The following CTR9 variants were observed in gnomAD, a reference collection of about 807,000 sequenced individuals.
CTR9 encodes the protein CTR9 component of Paf1/RNA polymerase II complex.
A neutral mutation model predicts 152.1 loss-of-function variants in CTR9; 41 were observed. That is an observed-to-expected ratio of 0.27 (90% CI 0.21 to 0.35). The LOEUF is 0.35. Among genes scored for constraint, CTR9 ranks in the 10% least tolerant of loss-of-function variants. CTR9 has a pLI of 1.00. For missense variants in CTR9, 917 were observed against 1,424.4 expected (o/e 0.64, Z 5.73); for synonymous variants, 476 against 496.2 (o/e 0.96, Z 0.54).
Position 10,775,282 on chromosome 11 carries a change from A to C in CTR9, c.2961A>C (p.Pro987=), listed in dbSNP as rs1471715003. The part of the protein sequence containing the change: ...NGPKPKKRRP[P]KAEKKKAPKP... ...CCAAACCAAAAAAACGACGTCCACC[A>C]AAAGCAGAGAAGAAAAAGGCTGTAA... The change falls in exon 23 of 25, where the codon CCA becomes CCC. Residue 987 remains proline, a synonymous_variant. Transcript: ENST00000361367. 6.2e-7 allele frequency: 1 copy of C among 1,614,054 alleles called. No individual in the cohort carries two copies.
intron 20 of CTR9, 122 bp downstream of exon 20, chr11:10,772,777 T>C: frequency 9.5e-7 from 1 of 1,048,152 alleles, no homozygotes; most frequent in African/African-American, 1.7e-5. Context: ...TCCAACACTT[T>C]GGGAGGATGA....
At chr11:10,756,429 C>T (rs370238655) in intron 4 of CTR9, among the ~76,000 whole-genome samples, 5 of 152,098 alleles carry the variant, frequency 3.3e-5, no homozygotes, top group African/African-American at 4.8e-5. Flanking sequence ...CAAAAGGCCC[C>T]AGTATGTGAT....
rs1389011556 is a variant in CTR9, at chr11:10,752,551, G to A, written c.46-121G>A. The A allele has an allele frequency of 3.4e-5, 23 of 684,628 alleles. 1 individual carries two copies. The East Asian group carries it at 5.5e-4, about 16-fold the overall frequency. 42.4% of individuals were successfully genotyped at this position (684,628 alleles called of 1,614,324 possible). On this transcript the variant is annotated intron_variant, in intron 1 of 24. Coordinates refer to ENST00000361367, the MANE Select transcript of CTR9 (RefSeq NM_014633.5). The stretch of plus-strand genomic sequence containing the variant: ...AACATTAACATGGATTAGCTCAACC[G>A]TATTGAAAGTGAACACGTACTCTAT...
intron 1 of CTR9, among the ~76,000 whole-genome samples, chr11:10,751,935 C>G (rs544139725): frequency 2.0e-5 from 3 of 152,172 alleles, no homozygotes; most frequent in East Asian, 3.9e-4. Flanking sequence ...TCTACACCAA[C>G]TCTCCTTCAA....
intron 2 of CTR9, among the ~76,000 whole-genome samples, chr11:10,754,639 G>A (rs904434269): frequency 8.6e-5 from 13 of 151,778 alleles, no homozygotes; most frequent in Admixed American, 2.0e-4. Flanking sequence ...ACTAGAGATT[G>A]TTTTACATTT....
At chr11:10,763,579 A>G (rs776194317) in intron 8 of CTR9, 41 bp downstream of exon 8, 1 of 1,569,168 alleles carries the variant, frequency 6.4e-7, no homozygotes, top group South Asian at 1.2e-5. Flanking sequence ...CTTTTTACTT[A>G]TAGTGTTTTA....
At position 10,778,828 on chromosome 11, in the gene CTR9, A is replaced by G; in HGVS notation, c.3245A>G (p.Asp1082Gly). 6.2e-7 allele frequency: 1 copy of G among 1,614,242 alleles called. No individual in the cohort carries two copies. ...CGGAGGCCACGAAGACAGCGGTCAGATCAGGACTCAGACAGTGACCAGCCA... is the reference window on the plus strand; with the variant it reads ...CGGAGGCCACGAAGACAGCGGTCAGGTCAGGACTCAGACAGTGACCAGCCA... Reference protein sequence around the residue: ...SPRRPRRQRSDQDSDSDQPSR... With the variant: ...SPRRPRRQRSGQDSDSDQPSR... Residue 1082 changes from aspartate (D) to glycine (G), a missense_variant, in exon 25 of 25, where the codon GAT becomes GGT. Around this residue, in one of 9 missense-constraint regions of CTR9, gnomAD observed 384 missense variants for 398.4 expected, o/e 0.96. Coordinates refer to ENST00000361367, the MANE Select transcript of CTR9 (RefSeq NM_014633.5).
intron 7 of CTR9, 110 bp from the exon 8 acceptor site, chr11:10,763,321 A>G: frequency 1.4e-6 from 1 of 739,076 alleles, no homozygotes; most frequent in Non-Finnish European, 2.3e-6. Context: ...ACTATTTATG[A>G]AGAAGATGGA....
In CTR9 at chr11:10,772,534, T is replaced by G; in HGVS notation, c.2459T>G (p.Leu820Ter). ...AAATGTTCTAGGCAGTGTTCTGACTTACTGAGCCAGGCCCAGTACCATGTG... is the reference window on the plus strand; with the variant it reads ...AAATGTTCTAGGCAGTGTTCTGACTGACTGAGCCAGGCCCAGTACCATGTG... ...AATEARQCSDLLSQAQYHVAR... is the reference protein window; with the variant it reads ...AATEARQCSD Residue 820 changes from leucine to a stop codon, truncating the protein, a stop_gained, in exon 20 of 25, where the codon TTA (leucine) becomes TGA (stop). Transcript: ENST00000361367. LOFTEE classifies it high-confidence loss of function. The G allele has an allele frequency of 6.4e-7, 1 of 1,561,530 alleles. No homozygotes were observed. Among genetic ancestry groups the G allele is most frequent in the Non-Finnish European group, 8.7e-7 (1 of 1,155,762 alleles).
intron 19 of CTR9, among the ~76,000 whole-genome samples, 171 bp from the exon 20 acceptor site, chr11:10,772,349 T>G (rs1863156317): frequency 6.6e-6 from 1 of 152,146 alleles, no homozygotes; most frequent in African/African-American, 2.4e-5. Flanking sequence ...AGCAAAACTC[T>G]GTCTCTTAAA....
At chr11:10,758,832 A>G (rs1442128977) in intron 5 of CTR9, among the ~76,000 whole-genome samples, 1 of 152,168 alleles carries the variant, frequency 6.6e-6, no homozygotes, top group Non-Finnish European at 1.5e-5. Context: ...TTGCTGTGAC[A>G]TAGGCACCTG....
chr11:10,755,152 C>G lies in CTR9; in HGVS notation c.339C>G (p.Ala113=). 1 of 1,613,630 alleles carries G rather than the reference C, an allele frequency of 6.2e-7. No individual in the cohort carries two copies. Among genetic ancestry groups the G allele is most frequent in the African/African-American group, 1.3e-5 (1 of 75,016 alleles). ...ATAAAAAGGATCTTATTACACAGGCCACCTTGTTGTATACAATGGCCGATA... is the reference window on the plus strand; with the variant it reads ...ATAAAAAGGATCTTATTACACAGGCGACCTTGTTGTATACAATGGCCGATA... The part of the protein sequence containing the change: ...KDNKKDLITQ[A]TLLYTMADKI... Residue 113 remains alanine (A), a synonymous_variant, in exon 3 of 25, where the codon GCC becomes GCG. Coordinates refer to ENST00000361367, the MANE Select transcript of CTR9 (RefSeq NM_014633.5).
chr11:10,766,362 C>T (rs1863059815), intron 12 of CTR9, 40 bp from the exon 13 acceptor site: 1 of 1,419,248 alleles, frequency 7.0e-7, no homozygotes, highest in Non-Finnish European at 9.8e-7. Flanking sequence ...TCCTTTATAG[C>T]TAATATTTGG....
intron 21 of CTR9, 129 bp from the exon 22 acceptor site, chr11:10,773,883 T>G (rs943391117): frequency 2.3e-6 from 1 of 441,644 alleles, no homozygotes; most frequent in Non-Finnish European, 3.6e-6. Flanking sequence ...AGACTTCATC[T>G]CAAAAAAAAA....
At position 10,767,679 on chromosome 11, in the gene CTR9, AAAAG is replaced by A. The variant is rs956326988; in HGVS notation, c.1687-119_1687-116del. The A allele has an allele frequency of 2.4e-6, 2 of 822,576 alleles. No homozygotes were observed. Among genetic ancestry groups the A allele is most frequent in the Non-Finnish European group, 3.8e-6 (2 of 526,654 alleles). 51.0% of individuals were successfully genotyped at this position (822,576 alleles called of 1,614,324 possible). On this transcript the variant is annotated intron_variant, in intron 13 of 24. Transcript: ENST00000361367. This position sits in a 1 kb window ranked among gnomAD's most constrained non-coding sequence, Gnocchi z 4.0. The stretch of plus-strand genomic sequence containing the variant: ...CATGCAAAAAAAAAAAGAAAGAAAG[AAAAG>A]AAAGAAAACCACTGTTGTAATATAG...
At chr11:10,766,845 A>G (rs1863067760) in intron 13 of CTR9, among the ~76,000 whole-genome samples, 1 of 152,184 alleles carries the variant, frequency 6.6e-6, no homozygotes, top group Non-Finnish European at 1.5e-5. Context: ...ACTTTATAGC[A>G]TAGTATCTTA....
chr11:10,776,109 C>T lies in CTR9; in HGVS notation c.3095+476C>T, dbSNP rs184251209. On this transcript the variant is annotated intron_variant, in intron 24 of 24. Coordinates refer to ENST00000361367, the MANE Select transcript of CTR9 (RefSeq NM_014633.5). Reference sequence around the variant, plus strand: ...TTTATCTATTTATCTATTTTTGAGACGGAGTTTCGCTCTTGTTGCCCAGGC... The same window carrying T: ...TTTATCTATTTATCTATTTTTGAGATGGAGTTTCGCTCTTGTTGCCCAGGC... Among the ~76,000 whole-genome samples, 361 of 152,078 alleles carry T rather than the reference C, an allele frequency of 2.4e-3. 8 individuals carry two copies. Among genetic ancestry groups the T allele is most frequent in the Admixed American group, 0.022 (341 of 15,262 alleles).
At chr11:10,772,365 A>G in intron 19 of CTR9, 155 bp from the exon 20 acceptor site, 1 of 607,126 alleles carries the variant, frequency 1.6e-6, no homozygotes, top group Non-Finnish European at 2.4e-6. Flanking sequence ...TTAAACAAAA[A>G]AGGAAGAAAA....
At chr11:10,756,910 G>T (rs1862893561) in intron 5 of CTR9, 72 bp downstream of exon 5, 1 of 987,236 alleles carries the variant, frequency 1.0e-6, no homozygotes, top group East Asian at 2.4e-5. Flanking sequence ...TTTGTCAGTT[G>T]CTTATGAAGT....
Sources: allele counts gnomAD v4.1 joint callset (sites outside exome capture counted in the v4.1 genomes callset), GRCh38; gene constraint gnomAD v4.1.1; regional missense constraint gnomAD v4.1.1; non-coding constraint Gnocchi (gnomAD v3.1); transcripts MANE v1.5; gene names NCBI Gene and HGNC (gene_info 2026-07-23, HGNC 2026-07-21).